The following THSD7A variants were observed in gnomAD, a reference collection of about 807,000 sequenced individuals.
THSD7A encodes thrombospondin type 1 domain containing 7A.
A neutral mutation model predicts 231.3 loss-of-function variants in THSD7A; 96 were observed. The observed-to-expected ratio is 0.41, with a 90% CI of 0.35 to 0.49. THSD7A has a LOEUF of 0.49. Ranked by LOEUF, THSD7A falls within the 20% of genes least tolerant of loss-of-function variation. THSD7A has a pLI of 0.05. For synonymous variants in THSD7A, 940 were observed against 743.3 expected, an observed-to-expected ratio of 1.26 and a Z score of -4.30; for missense variants, 2,290 against 2,070.2, an observed-to-expected ratio of 1.11 and a Z score of -2.06.
At chr7:11,520,348 A>C (rs984565452) in intron 6 of THSD7A, among the ~76,000 whole-genome samples, 1 of 152,230 alleles carries the variant, frequency 6.6e-6, no homozygotes, top group African/African-American at 2.4e-5. Context: ...TCGACATCAT[A>C]GCTGAACATA....
intron 9 of THSD7A, among the ~76,000 whole-genome samples, chr7:11,466,068 G>A (rs1785692578): frequency 6.6e-6 from 1 of 152,018 alleles, no homozygotes; most frequent in Non-Finnish European, 1.5e-5. Flanking sequence ...AGTTCTTCCT[G>A]GAATCCTACT....
chr7:11,827,625 T>C (rs567498723), intron 1 of THSD7A, among the ~76,000 whole-genome samples: 8 of 152,248 alleles, frequency 5.3e-5, no homozygotes, highest in African/African-American at 1.9e-4. Flanking sequence ...CTGGCTCTTC[T>C]TTTCAATATT....
rs1782006944 is a variant in THSD7A at position 11,370,380 on chromosome 7, T to A, written c.*5414A>T. The stretch of plus-strand genomic sequence containing the variant: ...GATTTAGGTATTCACTGGAAAAAAA[T>A]TTTAATCCATATTTAAGAAGCAATT... On this transcript the variant is annotated 3_prime_UTR_variant, in exon 28 of 28. Transcript: ENST00000423059. 1 of 152,142 alleles carries A rather than the reference T, an allele frequency of 6.6e-6. No homozygotes were observed. The highest frequency in any genetic ancestry group is 1.5e-5 in the Non-Finnish European group (1 of 68,032). The allele number at this position is 152,142 out of a possible 1,614,324, so 9.4% of individuals were successfully genotyped here.
At chr7:11,594,417 G>A (rs1562754607) in intron 2 of THSD7A, among the ~76,000 whole-genome samples, 2 of 152,138 alleles carry the variant, frequency 1.3e-5, no homozygotes, top group Non-Finnish European at 2.9e-5. Flanking sequence ...GGGATTTCTG[G>A]AGTTGGCTGC....
chr7:11,658,135 A>G (rs1165273837), intron 1 of THSD7A, among the ~76,000 whole-genome samples: 2 of 151,770 alleles, frequency 1.3e-5, no homozygotes, highest in African/African-American at 2.4e-5. Flanking sequence ...TAGGTTAAAG[A>G]AATTTGTGCC....
intron 11 of THSD7A, among the ~76,000 whole-genome samples, chr7:11,456,392 T>C (rs1785310109): frequency 6.6e-6 from 1 of 152,078 alleles, no homozygotes; most frequent in Non-Finnish European, 1.5e-5. Flanking sequence ...AAAAGAATGC[T>C]GCAATTTCAT....
At chr7:11,478,258 C>G (rs1319520109) in intron 7 of THSD7A, among the ~76,000 whole-genome samples, 1 of 152,204 alleles carries the variant, frequency 6.6e-6, no homozygotes, top group Non-Finnish European at 1.5e-5. Context: ...CTGTGACACC[C>G]CATACTGGGC....
chr7:11,516,225 G>C (rs1788024610), intron 6 of THSD7A, among the ~76,000 whole-genome samples: 2 of 152,062 alleles, frequency 1.3e-5, no homozygotes, highest in Non-Finnish European at 2.9e-5. Flanking sequence ...AAGCTAAATT[G>C]CCCTCATAAA....
At chr7:11,749,976 A>G (rs528676097) in intron 1 of THSD7A, among the ~76,000 whole-genome samples, 1 of 152,006 alleles carries the variant, frequency 6.6e-6, no homozygotes, top group East Asian at 2.0e-4. Context: ...AGTTGTTAAT[A>G]TAATAATAGC....
chr7:11,515,219 C>A (rs1393784894), intron 6 of THSD7A, among the ~76,000 whole-genome samples: 1 of 152,146 alleles, frequency 6.6e-6, no homozygotes, highest in Non-Finnish European at 1.5e-5. Flanking sequence ...TCATTAGACT[C>A]TGTATCAACC....
At chr7:11,471,293 G>C (rs980380455) in intron 8 of THSD7A, among the ~76,000 whole-genome samples, 1 of 151,932 alleles carries the variant, frequency 6.6e-6, no homozygotes, top group African/African-American at 2.4e-5. Flanking sequence ...TGGCAGATCA[G>C]TGGGAAATAG....
At chr7:11,536,841 AT>A (rs1788935361) in intron 6 of THSD7A, among the ~76,000 whole-genome samples, 2 of 151,986 alleles carry the variant, frequency 1.3e-5, no homozygotes, top group African/African-American at 4.8e-5. Context: ...TATTCCTGGC[AT>A]GCTTGCTTTG....
chr7:11,797,398 C>G (rs911323495), intron 1 of THSD7A, among the ~76,000 whole-genome samples: 2 of 137,364 alleles, frequency 1.5e-5, no homozygotes, highest in African/African-American at 5.3e-5. Context: ...TCTTTGCTTT[C>G]TTTCTGCCTC....
At chr7:11,531,453 C>T (rs1449328063) in intron 6 of THSD7A, among the ~76,000 whole-genome samples, 1 of 152,188 alleles carries the variant, frequency 6.6e-6, no homozygotes, top group Non-Finnish European at 1.5e-5. Context: ...TCTTTAAATT[C>T]ATCACCTAAT....
At chr7:11,508,162 C>G (rs1362231670) in intron 6 of THSD7A, among the ~76,000 whole-genome samples, 1 of 152,178 alleles carries the variant, frequency 6.6e-6, no homozygotes, top group Non-Finnish European at 1.5e-5. Context: ...AGGTCCCTCC[C>G]TGGACCCCTG....
intron 2 of THSD7A, among the ~76,000 whole-genome samples, chr7:11,596,974 A>G (rs1422828743): frequency 6.6e-6 from 1 of 152,146 alleles, no homozygotes; most frequent in African/African-American, 2.4e-5. Flanking sequence ...GGGTATATCA[A>G]CTCTCCAGCT....
intron 14 of THSD7A, among the ~76,000 whole-genome samples, chr7:11,427,420 C>T (rs1784357213): frequency 1.3e-5 from 2 of 152,042 alleles, no homozygotes; most frequent in Admixed American, 6.5e-5. Context: ...GTCACAATAC[C>T]CTTATCAAAC....
chr7:11,583,861 T>C (rs1321228460), intron 4 of THSD7A, among the ~76,000 whole-genome samples: 1 of 152,148 alleles, frequency 6.6e-6, no homozygotes, highest in Non-Finnish European at 1.5e-5. Context: ...GAAGTAAGCA[T>C]AAGTTTGAAA....
At chr7:11,556,291 G>C (rs1039847607) in intron 4 of THSD7A, among the ~76,000 whole-genome samples, 4 of 150,372 alleles carry the variant, frequency 2.7e-5, no homozygotes, top group African/African-American at 9.7e-5. Flanking sequence ...GTGTGTATGT[G>C]TATATGTGTA....
Sources: gnomAD v4.1 joint callset for allele counts (sites outside exome capture counted in the v4.1 genomes callset) on GRCh38, gnomAD v4.1.1 for gene constraint, MANE v1.5 for transcripts, NCBI Gene and HGNC (gene_info 2026-07-23, HGNC 2026-07-21) for gene names.